CACHD1: variants seen among roughly 807,000 people sequenced by gnomAD.
CACHD1 encodes VWFA and cache domain-containing protein 1.
A neutral mutation model predicts 138.7 loss-of-function variants in CACHD1; 71 were observed. The ratio of observed to expected loss-of-function variants is 0.51; its 90% CI spans 0.42 to 0.62. CACHD1 has a LOEUF of 0.62. Ranked by LOEUF, CACHD1 falls within the 20% of genes least tolerant of loss-of-function variation. The pLI, the probability that CACHD1 is intolerant of heterozygous loss-of-function variation, is 0.00. For synonymous variants in CACHD1, 578 were observed against 591.5 expected (o/e 0.98, Z 0.33); for missense variants, 1,389 against 1,625.3 (o/e 0.85, Z 2.50).
At chr1:64,538,985 G>A (rs987607732) in intron 1 of CACHD1, among the ~76,000 whole-genome samples, 6 of 152,144 alleles carry the variant, frequency 3.9e-5, no homozygotes, top group African/African-American at 9.7e-5. Flanking sequence ...AAGTGCTATA[G>A]GGATTGCAAG....
chr1:64,505,584 C>T (rs1459769167), intron 1 of CACHD1, among the ~76,000 whole-genome samples: 1 of 130,062 alleles, frequency 7.7e-6, no homozygotes, highest in Non-Finnish European at 1.7e-5. Flanking sequence ...CCCGCCCCGC[C>T]GCCCCTCCCC....
At chr1:64,488,131 C>A (rs1392484386) in intron 1 of CACHD1, among the ~76,000 whole-genome samples, 1 of 152,088 alleles carries the variant, frequency 6.6e-6, no homozygotes, top group Non-Finnish European at 1.5e-5. Flanking sequence ...AAACAGCCTG[C>A]AATTGTTTCA....
intron 2 of CACHD1, among the ~76,000 whole-genome samples, chr1:64,572,670 A>G (rs1223614877): frequency 6.6e-6 from 1 of 152,156 alleles, no homozygotes; most frequent in Non-Finnish European, 1.5e-5. Context: ...GTTCTCTGGC[A>G]TGTCAGCACT....
intron 10 of CACHD1, among the ~76,000 whole-genome samples, chr1:64,653,386 T>TAAAAAAA (rs60661882): frequency 8.3e-5 from 9 of 108,458 alleles, no homozygotes; most frequent in Admixed American, 9.5e-5. Context: ...TAAAAGAAGT[T>TAAAAAAA]AAAAAAAAAA....
At chr1:64,563,371 T>A (rs1024060450) in intron 2 of CACHD1, among the ~76,000 whole-genome samples, 21 of 146,756 alleles carry the variant, frequency 1.4e-4, no homozygotes, top group Non-Finnish European at 2.6e-4. Context: ...TTTACTCAAG[T>A]ATACACTCAA....
rs571985952 is a variant in CACHD1, at chr1:64,502,268, G to A, written c.198+31326G>A. On this transcript the variant is annotated intron_variant, in intron 1 of 26. Coordinates refer to ENST00000651257, the MANE Select transcript of CACHD1 (RefSeq NM_020925.4). ...CTGTCTTATTTGAGCAAATCCTCCT[G>A]AGCCCTAAAATTGATTTGTTGTATT... 1.1e-4 allele frequency among the ~76,000 whole-genome samples: 16 copies of A among 152,284 alleles called. No homozygotes were observed. In the South Asian group the frequency reaches 1.7e-3, roughly 16 times the overall value.
At chr1:64,545,712 G>T (rs1184619388) in intron 1 of CACHD1, among the ~76,000 whole-genome samples, 1 of 152,156 alleles carries the variant, frequency 6.6e-6, no homozygotes, top group African/African-American at 2.4e-5. Context: ...CCATGTGTCT[G>T]CAAGGTGTAT....
chr1:64,532,376 G>A (rs533273239), intron 1 of CACHD1, among the ~76,000 whole-genome samples: 50 of 152,314 alleles, frequency 3.3e-4, no homozygotes, highest in Middle Eastern at 3.4e-3. Flanking sequence ...CATACGTATT[G>A]TGGAGACTGC....
At chr1:64,471,552 C>G (rs1646144690) in intron 1 of CACHD1, among the ~76,000 whole-genome samples, 1 of 152,142 alleles carries the variant, frequency 6.6e-6, no homozygotes, top group African/African-American at 2.4e-5. Flanking sequence ...CCTTTCCCCT[C>G]CCGGGAGCAT....
chr1:64,496,222 A>G (rs1646305704), intron 1 of CACHD1, among the ~76,000 whole-genome samples: 1 of 152,212 alleles, frequency 6.6e-6, no homozygotes, highest in Admixed American at 6.5e-5. Context: ...AAGGATGTCA[A>G]ATTGTGCAAA....
chr1:64,676,837 C>A, intron 21 of CACHD1, 58 bp from the exon 22 acceptor site: 2 of 1,362,670 alleles, frequency 1.5e-6, no homozygotes, highest in Non-Finnish European at 2.1e-6. Flanking sequence ...GGACCAGGAG[C>A]ATGAGTTTGG....
intron 1 of CACHD1, among the ~76,000 whole-genome samples, chr1:64,511,121 A>G (rs1055462757): frequency 6.6e-6 from 1 of 152,252 alleles, no homozygotes; most frequent in African/African-American, 2.4e-5. Context: ...GGTATAGGAC[A>G]TTAAAGCAGA....
At chr1:64,594,206 A>G (rs1647131065) in intron 3 of CACHD1, among the ~76,000 whole-genome samples, 1 of 150,908 alleles carries the variant, frequency 6.6e-6, no homozygotes, top group Admixed American at 6.6e-5. Context: ...GTGAGCTGAG[A>G]TCGTGCCATT....
chr1:64,572,286 G>A (rs1477137388), intron 2 of CACHD1, among the ~76,000 whole-genome samples: 2 of 152,178 alleles, frequency 1.3e-5, no homozygotes. Context: ...TCCTTGTGAA[G>A]GAATAGACGG....
intron 7 of CACHD1, among the ~76,000 whole-genome samples, chr1:64,639,943 T>C (rs1386401852): frequency 1.3e-5 from 2 of 152,186 alleles, no homozygotes; most frequent in Admixed American, 1.3e-4. Context: ...AAAGTTCTAC[T>C]GGGGAAATAG....
At chr1:64,645,207 T>C (rs1022948077) in intron 8 of CACHD1, among the ~76,000 whole-genome samples, 7 of 152,170 alleles carry the variant, frequency 4.6e-5, no homozygotes, top group Non-Finnish European at 8.8e-5. Context: ...TGGTAATGGT[T>C]ACATTCTATC....
In CACHD1 at chr1:64,685,868, A is replaced by G. The variant is rs376655258; in HGVS notation, c.3586+3762A>G. On this transcript the variant is annotated intron_variant, in intron 26 of 26. Coordinates refer to ENST00000651257, the MANE Select transcript of CACHD1 (RefSeq NM_020925.4). ...GTCTCAAAAAAAAAAGAAAAAAAAA[A>G]TGCTGGGTGGAGTTGCAATGAGGAT... 6.0e-4 allele frequency among the ~76,000 whole-genome samples: 91 copies of G among 152,034 alleles called. 2 individuals are homozygous for G. Among genetic ancestry groups the G allele is most frequent in the African/African-American group, 2.0e-3 (81 of 41,454 alleles).
At chr1:64,485,658 G>C (rs1393709799) in intron 1 of CACHD1, among the ~76,000 whole-genome samples, 1 of 152,130 alleles carries the variant, frequency 6.6e-6, no homozygotes, top group Non-Finnish European at 1.5e-5. Context: ...ACAGCTCACT[G>C]TAGCCTCCAC....
At chr1:64,593,918 G>A (rs1647128175) in intron 3 of CACHD1, among the ~76,000 whole-genome samples, 2 of 152,082 alleles carry the variant, frequency 1.3e-5, no homozygotes. Flanking sequence ...AACCTGGTGG[G>A]GTAGAAACTG....
Sources: allele counts gnomAD v4.1 joint callset (sites outside exome capture counted in the v4.1 genomes callset), GRCh38; gene constraint gnomAD v4.1.1; transcripts MANE v1.5; gene names NCBI Gene and HGNC (gene_info 2026-07-23, HGNC 2026-07-21).